Variants in GSG1L observed in about 807,000 individuals in gnomAD.
GSG1L encodes germ cell-specific gene 1-like protein.
In GSG1L, 24 loss-of-function variants were observed where a neutral mutation model predicts 42.1. That is an observed-to-expected ratio of 0.57 (90% CI 0.41 to 0.80). The LOEUF (loss-of-function observed/expected upper bound fraction) is 0.80, where lower values mean the gene tolerates loss of function less well. Among genes scored for constraint, GSG1L ranks in the 30% least tolerant of loss-of-function variants. The pLI, the probability that GSG1L is intolerant of heterozygous loss-of-function variation, is 0.00. For synonymous variants in GSG1L, 215 were observed against 203.5 expected, an observed-to-expected ratio of 1.06 and a Z score of -0.48; for missense variants, 445 against 472.2, an observed-to-expected ratio of 0.94 and a Z score of 0.53.
At chr16:27,888,230 C>T (rs1160087960) in intron 2 of GSG1L, 2 of 520,656 alleles carry the variant, frequency 3.8e-6, no homozygotes, top group East Asian at 1.5e-4. Context: ...CAGGACGCTT[C>T]CCCCGCCCCT....
intron 4 of GSG1L, among the ~76,000 whole-genome samples, chr16:27,844,680 G>C (rs2083422978): frequency 6.6e-6 from 1 of 152,124 alleles, no homozygotes; most frequent in African/African-American, 2.4e-5. Context: ...CTCTTCCTTT[G>C]ATTTATTTTC....
At chr16:27,826,764 G>A (rs1312769832) in intron 5 of GSG1L, among the ~76,000 whole-genome samples, 3 of 152,156 alleles carry the variant, frequency 2.0e-5, no homozygotes, top group Non-Finnish European at 4.4e-5. Flanking sequence ...TAAGCCCCAC[G>A]TGTTGGGCAA....
intron 2 of GSG1L, among the ~76,000 whole-genome samples, chr16:27,936,260 T>C (rs2084716582): frequency 6.6e-6 from 1 of 152,170 alleles, no homozygotes; most frequent in Non-Finnish European, 1.5e-5. Context: ...TTGGTTTATG[T>C]GACCCCCTCC....
intron 1 of GSG1L, among the ~76,000 whole-genome samples, chr16:28,007,686 T>A (rs115638381): frequency 0.02 from 3,077 of 152,122 alleles, 101 homozygotes; most frequent in African/African-American, 0.07. Flanking sequence ...CTAATTTTTT[T>A]AAATTATCTG....
At chr16:27,811,429 C>T (rs990043931) in intron 5 of GSG1L, among the ~76,000 whole-genome samples, 5 of 152,166 alleles carry the variant, frequency 3.3e-5, no homozygotes, top group African/African-American at 1.2e-4. Context: ...TCACCAGTCA[C>T]GAAGTCAGAA....
chr16:28,054,709 C>T (rs1596736558), intron 1 of GSG1L, among the ~76,000 whole-genome samples: 1 of 151,848 alleles, frequency 6.6e-6, no homozygotes, highest in East Asian at 1.9e-4. Context: ...CAACTGGGGG[C>T]TGGGAACTCA....
intron 1 of GSG1L, among the ~76,000 whole-genome samples, chr16:28,030,903 C>T (rs2085954097): frequency 1.2e-5 from 1 of 83,208 alleles, no homozygotes; most frequent in Non-Finnish European, 2.3e-5. Context: ...TGGGTTGGGA[C>T]AGGATGGAAC....
At chr16:27,885,916 A>C (rs1372914393) in intron 2 of GSG1L, among the ~76,000 whole-genome samples, 2 of 152,110 alleles carry the variant, frequency 1.3e-5, no homozygotes, top group Admixed American at 6.6e-5. Flanking sequence ...ATCATTTGCC[A>C]TCTAGTTTAG....
intron 2 of GSG1L, among the ~76,000 whole-genome samples, chr16:27,954,455 T>C (rs916402128): frequency 1.3e-5 from 2 of 152,116 alleles, no homozygotes; most frequent in African/African-American, 4.8e-5. Context: ...AGCTCCATAC[T>C]GAAAACCAAG....
rs193058053 is a variant in GSG1L at position 27,906,672 on chromosome 16, C to T, written c.398-22034G>A. Among the ~76,000 whole-genome samples the T allele has an allele frequency of 1.2e-3, 183 of 152,298 alleles. 1 individual carries two copies. Among genetic ancestry groups the T allele is most frequent in the African/African-American group, 4.3e-3 (178 of 41,560 alleles). ...CAAATGTAAGCTCTTCATCAAGGAACCAGAAAGATCCTAACCCATCCACCT... is the reference window on the plus strand; with the variant it reads ...CAAATGTAAGCTCTTCATCAAGGAATCAGAAAGATCCTAACCCATCCACCT... On this transcript the variant is annotated intron_variant, in intron 2 of 6. Coordinates refer to ENST00000447459, the MANE Select transcript of GSG1L (RefSeq NM_001109763.2).
At chr16:27,923,996 G>C (rs2084562053) in intron 2 of GSG1L, among the ~76,000 whole-genome samples, 1 of 152,004 alleles carries the variant, frequency 6.6e-6, no homozygotes, top group Non-Finnish European at 1.5e-5. Flanking sequence ...TCTCCTCAAA[G>C]TAAAATAGGA....
chr16:27,839,456 C>A (rs2083355342), intron 4 of GSG1L, among the ~76,000 whole-genome samples: 2 of 152,172 alleles, frequency 1.3e-5, no homozygotes. Flanking sequence ...TGATAAAAGG[C>A]AAAACAGAAG....
At chr16:27,901,052 C>T (rs1395501262) in intron 2 of GSG1L, among the ~76,000 whole-genome samples, 1 of 152,094 alleles carries the variant, frequency 6.6e-6, no homozygotes, top group Non-Finnish European at 1.5e-5. Flanking sequence ...TCCTCAAACC[C>T]GGGAGGTGGA....
At chr16:27,818,950 G>A (rs191618162) in intron 5 of GSG1L, among the ~76,000 whole-genome samples, 2 of 152,110 alleles carry the variant, frequency 1.3e-5, no homozygotes, top group Admixed American at 1.3e-4. Context: ...CCAATACTGG[G>A]TTTTAAAAAG....
intron 6 of GSG1L, among the ~76,000 whole-genome samples, chr16:27,805,833 C>T (rs1010092134): frequency 1.3e-5 from 2 of 151,408 alleles, no homozygotes; most frequent in East Asian, 2.0e-4. Context: ...TGAGAACTCT[C>T]GTTCTTAATT....
chr16:27,947,390 AAG>A (rs753210147), intron 2 of GSG1L, among the ~76,000 whole-genome samples: 1 of 94,010 alleles, frequency 1.1e-5, no homozygotes, highest in African/African-American at 4.2e-5. Context: ...AAGAAAAAGA[AAG>A]AAAGAAAGAA....
At chr16:28,019,385 C>G (rs1352160173) in intron 1 of GSG1L, among the ~76,000 whole-genome samples, 1 of 152,156 alleles carries the variant, frequency 6.6e-6, no homozygotes, top group Non-Finnish European at 1.5e-5. Context: ...TTCAAAGATG[C>G]CATGGCAATG....
intron 2 of GSG1L, among the ~76,000 whole-genome samples, chr16:27,929,503 A>T (rs2084632741): frequency 6.6e-6 from 1 of 152,102 alleles, no homozygotes; most frequent in South Asian, 2.1e-4. Flanking sequence ...AAGTACGGAC[A>T]TCCTCCCTTC....
intron 2 of GSG1L, among the ~76,000 whole-genome samples, chr16:27,905,517 C>G (rs1016780498): frequency 1.3e-5 from 2 of 151,828 alleles, no homozygotes; most frequent in African/African-American, 2.4e-5. Flanking sequence ...GGGTCTCATT[C>G]TGTTGCCCAG....
Sources: gnomAD v4.1 joint callset for allele counts (sites outside exome capture counted in the v4.1 genomes callset) on GRCh38, gnomAD v4.1.1 for gene constraint, MANE v1.5 for transcripts, NCBI Gene and HGNC (gene_info 2026-07-23, HGNC 2026-07-21) for gene names.